Variants in JARID2 observed in about 807,000 individuals in gnomAD.
JARID2 encodes protein Jumonji.
A neutral mutation model predicts 125.6 loss-of-function variants in JARID2; 21 were observed. That is an observed-to-expected ratio of 0.17 (90% confidence interval 0.12 to 0.24). The LOEUF (loss-of-function observed/expected upper bound fraction) is 0.24, where lower values mean the gene tolerates loss of function less well. Among genes scored for constraint, JARID2 ranks in the 10% least tolerant of loss-of-function variants. The probability of loss-of-function intolerance (pLI) is 1.00; values close to 1 mark genes in which losing one functional copy is unlikely to be tolerated. For synonymous variants in JARID2, 736 were observed against 661.6 expected, an observed-to-expected ratio of 1.11 and a Z score of -1.73; for missense variants, 1,303 against 1,639.6, an observed-to-expected ratio of 0.79 and a Z score of 3.55.
chr6:15,517,374 T>C, intron 17 of JARID2, 106 bp downstream of exon 17: 1 of 784,006 alleles, frequency 1.3e-6, no homozygotes, highest in South Asian at 1.5e-5. Context: ...TGGCGGGTAG[T>C]CAGGGCTCTG....
chr6:15,291,212 G>A (rs1206181121), intron 1 of JARID2, among the ~76,000 whole-genome samples: 1 of 152,150 alleles, frequency 6.6e-6, no homozygotes, highest in Non-Finnish European at 1.5e-5. Flanking sequence ...TCCAGCCTGG[G>A]TAATAGAGCG....
At chr6:15,324,422 A>G (rs2127445991) in intron 1 of JARID2, 1 of 152,212 alleles carries the variant, frequency 6.6e-6, no homozygotes, top group Non-Finnish European at 1.5e-5. Flanking sequence ...GGGCCGTGTT[A>G]TCTTCTGTGT....
chr6:15,329,760 C>G lies in JARID2; in HGVS notation c.46-44357C>G, dbSNP rs868411531. Among the ~76,000 whole-genome samples, 44 of 152,264 alleles carry G rather than the reference C, an allele frequency of 2.9e-4. No homozygotes were observed. The Middle Eastern group carries it at 0.014, about 47-fold the overall frequency. On this transcript the variant is annotated intron_variant, in intron 1 of 17. Coordinates refer to ENST00000341776, the MANE Select transcript of JARID2 (RefSeq NM_004973.4). Reference sequence around the variant, plus strand: ...TTCCTTTGCCCATCCATGACATGCCCTTATTCTTGAGGGGAGGAAAAAGAA... The same window carrying G: ...TTCCTTTGCCCATCCATGACATGCCGTTATTCTTGAGGGGAGGAAAAAGAA...
chr6:15,515,471 C>G (rs1019880374), intron 16 of JARID2, among the ~76,000 whole-genome samples: 1 of 152,162 alleles, frequency 6.6e-6, no homozygotes, highest in Non-Finnish European at 1.5e-5. Flanking sequence ...CCTGGCATTT[C>G]CTGTCAGCCT....
chr6:15,472,016 T>G (rs1284750654), intron 5 of JARID2, among the ~76,000 whole-genome samples: 1 of 152,058 alleles, frequency 6.6e-6, no homozygotes, highest in Non-Finnish European at 1.5e-5. Flanking sequence ...TATTTAAAAA[T>G]TTTTTTAATT....
chr6:15,344,819 G>A (rs1581436768), intron 1 of JARID2, among the ~76,000 whole-genome samples: 1 of 151,816 alleles, frequency 6.6e-6, no homozygotes, highest in Non-Finnish European at 1.5e-5. Context: ...TTTATTAATA[G>A]CTTATTCTGT....
chr6:15,451,990 TCTTTTG>T lies in JARID2; in HGVS notation c.324-8_324-3del. 6.2e-7 allele frequency: 1 copy of T among 1,611,072 alleles called. No individual in the cohort carries two copies. On this transcript the variant is annotated splice_polypyrimidine_tract_variant and intron_variant, in intron 3 of 17. Transcript: ENST00000341776. ...TCTCTGCTTAATTTATTTTTAATTT[TCTTTTG>T]CTTTTGCAGGCCCAGGCTGCAAGCA... is the stretch of plus-strand genomic sequence containing the variant.
intron 1 of JARID2, among the ~76,000 whole-genome samples, chr6:15,279,339 T>G (rs1760664544): frequency 6.6e-6 from 1 of 152,206 alleles, no homozygotes; most frequent in South Asian, 2.1e-4. Context: ...CTGCAATGTC[T>G]GTGTCCCAGG....
intron 1 of JARID2, among the ~76,000 whole-genome samples, chr6:15,365,429 C>T (rs755122001): frequency 1.3e-5 from 2 of 152,138 alleles, no homozygotes; most frequent in African/African-American, 4.8e-5. Flanking sequence ...AGCGTGCGGA[C>T]GTCTTGCTGC....
At chr6:15,446,755 G>T (rs1767686656) in intron 3 of JARID2, among the ~76,000 whole-genome samples, 1 of 152,202 alleles carries the variant, frequency 6.6e-6, no homozygotes, top group Non-Finnish European at 1.5e-5. Context: ...TTTTGGTTAT[G>T]AATGAGGGAC....
At chr6:15,422,465 T>C (rs1766539824) in intron 3 of JARID2, among the ~76,000 whole-genome samples, 1 of 152,134 alleles carries the variant, frequency 6.6e-6, no homozygotes, top group Non-Finnish European at 1.5e-5. Flanking sequence ...AGCACAGAGC[T>C]AAGGAAGCGT....
At chr6:15,421,675 C>A (rs984137623) in intron 3 of JARID2, among the ~76,000 whole-genome samples, 1 of 152,202 alleles carries the variant, frequency 6.6e-6, no homozygotes, top group African/African-American at 2.4e-5. Flanking sequence ...TTACCACCCT[C>A]ACTTGGCAGC....
chr6:15,513,414 C>T lies in JARID2; in HGVS notation c.3442C>T (p.Leu1148=), dbSNP rs1245322006. Residue 1148 remains leucine (L), a synonymous_variant, in exon 16 of 18, where the codon CTG becomes TTG. Coordinates refer to ENST00000341776, the MANE Select transcript of JARID2 (RefSeq NM_004973.4). ...RCQICQHLCY[L]SMVVQENENV... ...TCAGATCTGCCAGCACCTGTGCTACCTGTCCATGGTGAGCCCGCCTGGCCC... is the reference window on the plus strand; with the variant it reads ...TCAGATCTGCCAGCACCTGTGCTACTTGTCCATGGTGAGCCCGCCTGGCCC... 1 of 1,605,738 alleles carries T rather than the reference C, an allele frequency of 6.2e-7. No individual in the cohort carries two copies. The highest frequency in any genetic ancestry group is 2.2e-5 in the East Asian group (1 of 44,758).
chr6:15,385,097 C>T (rs1234377635), intron 2 of JARID2, among the ~76,000 whole-genome samples: 1 of 152,214 alleles, frequency 6.6e-6, no homozygotes, highest in Non-Finnish European at 1.5e-5. Context: ...TGCCTATGCT[C>T]TTAATGTGAA....
chr6:15,483,814 T>G (rs148831219), intron 5 of JARID2, among the ~76,000 whole-genome samples: 13 of 152,324 alleles, frequency 8.5e-5, no homozygotes, highest in Non-Finnish European at 1.9e-4. Context: ...GTTTCTCCTT[T>G]TGAGGAGCTA....
At chr6:15,398,377 G>A (rs1053868915) in intron 2 of JARID2, among the ~76,000 whole-genome samples, 2 of 152,122 alleles carry the variant, frequency 1.3e-5, no homozygotes, top group Admixed American at 6.6e-5. Flanking sequence ...CAGTCTTTCC[G>A]CCCTCTGCTC....
intron 1 of JARID2, among the ~76,000 whole-genome samples, chr6:15,323,349 G>T (rs1205951142): frequency 5.9e-5 from 9 of 152,162 alleles, no homozygotes; most frequent in Admixed American, 4.6e-4. Flanking sequence ...ACTCACCCTA[G>T]CCCAGCCTGG....
intron 7 of JARID2, among the ~76,000 whole-genome samples, chr6:15,497,939 CTA>C (rs916236738): frequency 3.3e-5 from 5 of 152,190 alleles, no homozygotes; most frequent in African/African-American, 1.2e-4. Flanking sequence ...GGTCCTACCT[CTA>C]TGTGTGTCTG....
intron 2 of JARID2, chr6:15,400,768 C>G (rs891849759): frequency 7.1e-6 from 7 of 983,990 alleles, no homozygotes; most frequent in Non-Finnish European, 8.4e-6. Context: ...CCTCCCCTCC[C>G]CCTCGGCCCC....
Sources: gnomAD v4.1 joint callset for allele counts (sites outside exome capture counted in the v4.1 genomes callset) on GRCh38, gnomAD v4.1.1 for gene constraint, MANE v1.5 for transcripts, NCBI Gene and HGNC (gene_info 2026-07-23, HGNC 2026-07-21) for gene names.